The following CNPY3 variants were observed in gnomAD, a reference collection of about 807,000 sequenced individuals.
CNPY3 encodes protein canopy homolog 3.
In CNPY3, 20 loss-of-function variants were observed where a neutral mutation model predicts 32.0. The observed-to-expected ratio is 0.63, with a 90% CI of 0.44 to 0.91. The LOEUF (loss-of-function observed/expected upper bound fraction) is 0.91, where lower values mean the gene tolerates loss of function less well. Ranked by LOEUF, CNPY3 falls within the 40% of genes least tolerant of loss-of-function variation. The pLI is 0.00. For missense variants in CNPY3, 299 were observed against 340.8 expected (o/e 0.88, Z 0.97); for synonymous variants, 138 against 142.9 (o/e 0.97, Z 0.24).
chr6:42,931,661 C>T (rs1053432653), intron 1 of CNPY3, among the ~76,000 whole-genome samples: 1 of 151,490 alleles, frequency 6.6e-6, no homozygotes, highest in African/African-American at 2.4e-5. Context: ...GCACCCAGCC[C>T]AGCTAACTGA....
chr6:42,934,367 T>C, intron 1 of CNPY3, 108 bp from the exon 2 acceptor site: 3 of 1,364,756 alleles, frequency 2.2e-6, no homozygotes, highest in Non-Finnish European at 2.1e-6. Flanking sequence ...GTGCTGATTT[T>C]GGTCCTCCAG....
intron 1 of CNPY3, among the ~76,000 whole-genome samples, chr6:42,930,151 G>C (rs1767689438): frequency 6.6e-6 from 1 of 152,120 alleles, no homozygotes; most frequent in Non-Finnish European, 1.5e-5. Flanking sequence ...AACTACAGAG[G>C]CAGAGGCCTG....
chr6:42,934,647 T>C (rs979040436), intron 2 of CNPY3, 49 bp downstream of exon 2: 1 of 1,609,324 alleles, frequency 6.2e-7, no homozygotes. Flanking sequence ...TGCTGGAGGC[T>C]TCAGGGGTTT....
At chr6:42,929,781 C>T in intron 1 of CNPY3, 60 bp downstream of exon 1, 1 of 1,498,872 alleles carries the variant, frequency 6.7e-7, no homozygotes, top group Non-Finnish European at 8.9e-7. Context: ...AGCGGTGGTG[C>T]TTGCGGAGCA....
chr6:42,931,040 C>T (rs1767765563), intron 1 of CNPY3, among the ~76,000 whole-genome samples: 1 of 152,016 alleles, frequency 6.6e-6, no homozygotes, highest in Non-Finnish European at 1.5e-5. Context: ...CAGGCGCATG[C>T]CACCATGCCC....
chr6:42,938,762 C>G lies in CNPY3; in HGVS notation c.808C>G (p.Leu270Val), dbSNP rs767956827. ...EDEGIQKASP[L>V]THSPPDEL Reference sequence around the variant, plus strand: ...TGAGGGCATCCAGAAGGCATCCCCTCTCACACACAGCCCCCCTGATGAGCT... The same window carrying G: ...TGAGGGCATCCAGAAGGCATCCCCTGTCACACACAGCCCCCCTGATGAGCT... The change falls in exon 6 of 6, where the codon CTC becomes GTC. Residue 270 changes from leucine to valine, a missense_variant. Leu to Val is a conservative substitution (Grantham distance 32). This residue lies in a region of CNPY3 where 211 missense variants were observed against 278.3 expected (regional missense o/e 0.76). Coordinates refer to ENST00000372836, the MANE Select transcript of CNPY3 (RefSeq NM_006586.5). 2 of 1,613,110 alleles carry G rather than the reference C, an allele frequency of 1.2e-6. No homozygotes were observed. Among genetic ancestry groups the G allele is most frequent in the Non-Finnish European group, 1.7e-6 (2 of 1,179,460 alleles).
At chr6:42,934,377 G>T (rs1387224314) in intron 1 of CNPY3, 98 bp from the exon 2 acceptor site, 1 of 1,508,810 alleles carries the variant, frequency 6.6e-7, no homozygotes, top group Non-Finnish European at 9.1e-7. Flanking sequence ...TGGTCCTCCA[G>T]TCTAGGAAAG....
Position 42,929,517 on chromosome 6 carries a change from G to A in CNPY3, c.-54G>A. 1 of 1,495,102 alleles carries A rather than the reference G, an allele frequency of 6.7e-7. No homozygotes were observed. Among genetic ancestry groups the A allele is most frequent in the Non-Finnish European group, 8.9e-7 (1 of 1,118,370 alleles). 92.6% of individuals were successfully genotyped at this position (1,495,102 alleles called of 1,614,324 possible). On this transcript the variant is annotated 5_prime_UTR_variant, in exon 1 of 6. Coordinates refer to ENST00000372836, the MANE Select transcript of CNPY3 (RefSeq NM_006586.5). ...GCGGCGAGGGGAAACTGCTCCGCGC[G>A]CGCCGCGGGAGGAGGAACCGCCCGG...
At chr6:42,936,451 C>CGTTT (rs942910845) in intron 3 of CNPY3, among the ~76,000 whole-genome samples, 1 of 152,122 alleles carries the variant, frequency 6.6e-6, no homozygotes, top group African/African-American at 2.4e-5. Context: ...TTGATCCAGC[C>CGTTT]GTTTGGTGGA....
chr6:42,932,130 C>T (rs902164839), intron 1 of CNPY3, among the ~76,000 whole-genome samples: 21 of 152,156 alleles, frequency 1.4e-4, no homozygotes, highest in Admixed American at 5.2e-4. Flanking sequence ...CACAGACTCA[C>T]GGAAGCATAG....
chr6:42,935,322 C>CA (rs759763217), intron 2 of CNPY3: 15 of 677,048 alleles, frequency 2.2e-5, no homozygotes, highest in Non-Finnish European at 2.7e-5. Flanking sequence ...TTTGCTTTAT[C>CA]AAAAAATCTA....
At chr6:42,935,790 C>T in intron 3 of CNPY3, 120 bp downstream of exon 3, 1 of 1,160,948 alleles carries the variant, frequency 8.6e-7, no homozygotes, top group East Asian at 2.6e-5. Context: ...ATTGCCTCTT[C>T]CCATTCTTTG....
intron 3 of CNPY3, among the ~76,000 whole-genome samples, chr6:42,935,903 G>A (rs1768188177): frequency 6.6e-6 from 1 of 152,004 alleles, no homozygotes; most frequent in Non-Finnish European, 1.5e-5. Context: ...CTCAGACACA[G>A]GCAGAAATGC....
At chr6:42,930,492 C>A (rs920990326) in intron 1 of CNPY3, among the ~76,000 whole-genome samples, 1 of 152,108 alleles carries the variant, frequency 6.6e-6, no homozygotes, top group Non-Finnish European at 1.5e-5. Context: ...GATTTTAGGA[C>A]TTTGGAGAAA....
chr6:42,932,725 C>A (rs1767923460), intron 1 of CNPY3, among the ~76,000 whole-genome samples: 1 of 152,024 alleles, frequency 6.6e-6, no homozygotes, highest in African/African-American at 2.4e-5. Flanking sequence ...GTGAGACATC[C>A]CCAGTTCATT....
At chr6:42,938,397 G>A (rs1044238357) in intron 5 of CNPY3, among the ~76,000 whole-genome samples, 171 bp from the exon 6 acceptor site, 2 of 152,204 alleles carry the variant, frequency 1.3e-5, no homozygotes, top group African/African-American at 2.4e-5. Flanking sequence ...GGGCAGACAA[G>A]TCAGATGCCC....
chr6:42,937,606 T>C, intron 3 of CNPY3, 111 bp from the exon 4 acceptor site: 14 of 1,144,724 alleles, frequency 1.2e-5, no homozygotes, highest in Non-Finnish European at 1.6e-5. Context: ...TGAGGATCCT[T>C]AGAGGGCGTT....
At chr6:42,937,614 G>T in intron 3 of CNPY3, 103 bp from the exon 4 acceptor site, 1 of 1,225,962 alleles carries the variant, frequency 8.2e-7, no homozygotes. Flanking sequence ...CTTAGAGGGC[G>T]TTGAGCATTG....
intron 1 of CNPY3, 24 bp from the exon 2 acceptor site, chr6:42,934,451 G>A: frequency 1.9e-6 from 3 of 1,613,586 alleles, no homozygotes; most frequent in Non-Finnish European, 2.5e-6. Context: ...GCACTCAGTG[G>A]GCTGTGCTAC....
Sources: allele counts gnomAD v4.1 joint callset (sites outside exome capture counted in the v4.1 genomes callset), GRCh38; gene constraint gnomAD v4.1.1; regional missense constraint gnomAD v4.1.1; transcripts MANE v1.5; gene names NCBI Gene and HGNC (gene_info 2026-07-23, HGNC 2026-07-21).